The following ANO3 variants were observed in gnomAD, a reference collection of about 807,000 sequenced individuals.
The protein encoded by ANO3 is anoctamin-3.
ANO3 carries 99 observed loss-of-function variants against 144.8 expected under a neutral mutation model. The ratio of observed to expected loss-of-function variants is 0.68; its 90% CI spans 0.58 to 0.81. The LOEUF (loss-of-function observed/expected upper bound fraction) is 0.81, where lower values mean the gene tolerates loss of function less well. Among genes scored for constraint, ANO3 ranks in the 30% least tolerant of loss-of-function variants. The probability of loss-of-function intolerance (pLI) is 0.00; values close to 1 mark genes in which losing one functional copy is unlikely to be tolerated. For synonymous variants in ANO3, 414 were observed against 392.6 expected, an observed-to-expected ratio of 1.05 and a Z score of -0.64; for missense variants, 905 against 1,202.2, an observed-to-expected ratio of 0.75 and a Z score of 3.66.
intron 14 of ANO3, among the ~76,000 whole-genome samples, chr11:26,571,297 A>G (rs1054404860): frequency 6.6e-6 from 1 of 152,138 alleles, no homozygotes; most frequent in Non-Finnish European, 1.5e-5. Flanking sequence ...CTAAATAGAA[A>G]GTAGATAAAT....
At chr11:26,218,685 G>T (rs1025424601) in intron 1 of ANO3, among the ~76,000 whole-genome samples, 1 of 152,128 alleles carries the variant, frequency 6.6e-6, no homozygotes, top group African/African-American at 2.4e-5. Flanking sequence ...ATGATGTGCA[G>T]ATCTTTTAAA....
intron 1 of ANO3, among the ~76,000 whole-genome samples, chr11:26,259,002 G>T (rs147784085): frequency 6.6e-6 from 1 of 152,280 alleles, no homozygotes; most frequent in Non-Finnish European, 1.5e-5. Context: ...TAACTTCACA[G>T]GTGGACCTTG....
At chr11:26,307,820 C>G (rs1355580003), upstream of ANO3, among the ~76,000 whole-genome samples, 2 of 151,660 alleles carry the variant, frequency 1.3e-5, no homozygotes, top group African/African-American at 2.4e-5. Flanking sequence ...TTGAATTGCA[C>G]TACGTGTTTT....
At chr11:26,518,482 T>C (rs1861944135) in intron 6 of ANO3, among the ~76,000 whole-genome samples, 1 of 152,056 alleles carries the variant, frequency 6.6e-6, no homozygotes, top group Non-Finnish European at 1.5e-5. Context: ...TGTTTTTTCA[T>C]AGTGGGAGTC....
intron 1 of ANO3, among the ~76,000 whole-genome samples, chr11:26,259,467 G>A (rs1001591189): frequency 1.6e-4 from 24 of 151,586 alleles, no homozygotes; most frequent in African/African-American, 5.6e-4. Flanking sequence ...GGCCAACAGG[G>A]TGAAACCCCA....
chr11:26,616,799 G>T (rs1186170752), intron 17 of ANO3, among the ~76,000 whole-genome samples: 2 of 152,062 alleles, frequency 1.3e-5, no homozygotes, highest in Non-Finnish European at 2.9e-5. Flanking sequence ...TTGAGATGGA[G>T]TCTCTCTCTG....
At chr11:26,468,047 A>G (rs1493739) in intron 4 of ANO3, among the ~76,000 whole-genome samples, 92,711 of 151,688 alleles carry the variant, frequency 0.61, 28,616 homozygotes, top group Middle Eastern at 0.71. Context: ...AGGTCCTACC[A>G]CCAAACTGTG....
At chr11:26,395,046 G>A (rs1202063928) in intron 1 of ANO3, among the ~76,000 whole-genome samples, 1 of 152,048 alleles carries the variant, frequency 6.6e-6, no homozygotes, top group African/African-American at 2.4e-5. Context: ...GAATTTTGGG[G>A]GTTAAATCTG....
chr11:26,422,157 C>G (rs915895257), intron 1 of ANO3, among the ~76,000 whole-genome samples: 2 of 151,892 alleles, frequency 1.3e-5, no homozygotes, highest in African/African-American at 4.8e-5. Context: ...TTCATGTTTC[C>G]TTAGGATGAG....
chr11:26,601,886 C>CA (rs1351486864), intron 17 of ANO3, among the ~76,000 whole-genome samples: 2 of 151,874 alleles, frequency 1.3e-5, no homozygotes, highest in Non-Finnish European at 2.9e-5. Flanking sequence ...GGTTGGTTGA[C>CA]AAAAAAATTA....
At chr11:26,246,294 T>C (rs1477117293) in intron 1 of ANO3, among the ~76,000 whole-genome samples, 1 of 152,088 alleles carries the variant, frequency 6.6e-6, no homozygotes, top group East Asian at 1.9e-4. Flanking sequence ...TTTTCAATTA[T>C]TATTTGTATC....
At chr11:26,296,577 G>A in intron 1 of ANO3, among the ~76,000 whole-genome samples, 1 of 152,212 alleles carries the variant, frequency 6.6e-6, no homozygotes, top group Admixed American at 6.5e-5. Flanking sequence ...ATTTTACTGA[G>A]GTTAGGGGTT....
At chr11:26,379,848 G>C (rs1458399543) in intron 1 of ANO3, among the ~76,000 whole-genome samples, 2 of 152,230 alleles carry the variant, frequency 1.3e-5, no homozygotes, top group East Asian at 3.9e-4. Flanking sequence ...AGAGTTGAAA[G>C]AACTAGGTGG....
At chr11:26,278,947 A>G (rs950087576) in intron 1 of ANO3, among the ~76,000 whole-genome samples, 2 of 152,150 alleles carry the variant, frequency 1.3e-5, no homozygotes, top group East Asian at 1.9e-4. Context: ...CTATGTAGAC[A>G]TCTTTACCTT....
intron 17 of ANO3, among the ~76,000 whole-genome samples, chr11:26,603,539 T>C (rs1851855308): frequency 6.6e-6 from 1 of 152,116 alleles, no homozygotes; most frequent in South Asian, 2.1e-4. Flanking sequence ...AAAAAAAAGT[T>C]ATTCAAATTC....
intron 1 of ANO3, among the ~76,000 whole-genome samples, chr11:26,196,776 AAATTGGC>A (rs1256993676): frequency 6.6e-6 from 1 of 152,250 alleles, no homozygotes; most frequent in African/African-American, 2.4e-5. Context: ...ATTTGAACTG[AAATTGGC>A]AATTTTATCA....
At chr11:26,544,597 A>G (rs1267469055) in intron 11 of ANO3, among the ~76,000 whole-genome samples, 1 of 151,710 alleles carries the variant, frequency 6.6e-6, no homozygotes, top group Non-Finnish European at 1.5e-5. Flanking sequence ...AAATGTTCTT[A>G]CCATAAAATA....
At position 26,463,008 on chromosome 11, in the gene ANO3, ACTTTCT is replaced by A. The variant is rs768485285; in HGVS notation, c.314-11_314-6del. On this transcript the variant is annotated splice_polypyrimidine_tract_variant and intron_variant, in intron 3 of 26. Transcript: ENST00000256737. The stretch of plus-strand genomic sequence containing the variant: ...GAGAAAAACTATAGAAATGGATATA[ACTTTCT>A]CTTTCTCTTTTATAGCCCTAGGAAA... 8.0e-6 allele frequency: 10 copies of A among 1,256,320 alleles called. No individual in the cohort carries two copies. The highest frequency in any genetic ancestry group is 1.5e-5 in the African/African-American group (1 of 65,106). 77.8% of individuals were successfully genotyped at this position (1,256,320 alleles called of 1,614,324 possible).
chr11:26,590,244 G>C (rs1277001512), intron 14 of ANO3, among the ~76,000 whole-genome samples: 1 of 152,188 alleles, frequency 6.6e-6, no homozygotes, highest in East Asian at 1.9e-4. Flanking sequence ...ACTCATATTT[G>C]TCAAATATAT....
Sources: gnomAD v4.1 joint callset for allele counts (sites outside exome capture counted in the v4.1 genomes callset) on GRCh38, gnomAD v4.1.1 for gene constraint, MANE v1.5 for transcripts, NCBI Gene and HGNC (gene_info 2026-07-23, HGNC 2026-07-21) for gene names.